BNIP3L: variants seen among roughly 807,000 people sequenced by gnomAD.
BNIP3L encodes the protein BCL2 interacting protein 3 like, also known as BCL2/adenovirus E1B 19 kDa protein-interacting protein 3-like.
Under a neutral mutation model 25.5 loss-of-function variants are expected in BNIP3L, and 10 were observed. That is an observed-to-expected ratio of 0.39 (90% confidence interval 0.24 to 0.67). BNIP3L has a LOEUF of 0.67. Ranked by LOEUF, BNIP3L falls within the 30% of genes least tolerant of loss-of-function variation. The pLI is 0.45. For missense variants in BNIP3L, 215 were observed against 270.9 expected, an observed-to-expected ratio of 0.79 and a Z score of 1.45; for synonymous variants, 113 against 101.2, an observed-to-expected ratio of 1.12 and a Z score of -0.70.
At chr8:26,404,605 C>G (rs904819491) in intron 3 of BNIP3L, among the ~76,000 whole-genome samples, 1 of 152,144 alleles carries the variant, frequency 6.6e-6, no homozygotes, top group Non-Finnish European at 1.5e-5. Context: ...ACCTCTGTTT[C>G]CAGGTGGTTC....
At chr8:26,395,166 G>T in intron 2 of BNIP3L, 64 bp from the exon 3 acceptor site, 2 of 1,539,420 alleles carry the variant, frequency 1.3e-6, no homozygotes, top group Admixed American at 3.5e-5. Flanking sequence ...CTAATTTCTA[G>T]TAGAGACTAA....
chr8:26,389,582 G>A (rs780748463), intron 1 of BNIP3L, among the ~76,000 whole-genome samples: 96 of 152,266 alleles, frequency 6.3e-4, no homozygotes, highest in Middle Eastern at 3.4e-3. Flanking sequence ...GTAGCCACTG[G>A]GGCTGCCTCA....
At chr8:26,385,530 G>A (rs543096375) in intron 1 of BNIP3L, among the ~76,000 whole-genome samples, 1 of 151,450 alleles carries the variant, frequency 6.6e-6, no homozygotes, top group African/African-American at 2.4e-5. Flanking sequence ...TTGAATCCGG[G>A]AGGCAGAGGT....
At chr8:26,391,795 T>C (rs1313204658) in intron 2 of BNIP3L, among the ~76,000 whole-genome samples, 2 of 152,248 alleles carry the variant, frequency 1.3e-5, no homozygotes, top group African/African-American at 4.8e-5. Flanking sequence ...TAGTTACCTC[T>C]GTATATATGT....
At chr8:26,389,860 A>T (rs951054422) in intron 1 of BNIP3L, among the ~76,000 whole-genome samples, 3 of 152,134 alleles carry the variant, frequency 2.0e-5, no homozygotes, top group African/African-American at 7.2e-5. Context: ...AGCCATCGCC[A>T]CATTTAGAGT....
chr8:26,385,686 G>GT (rs1805977970), intron 1 of BNIP3L, among the ~76,000 whole-genome samples: 1 of 152,020 alleles, frequency 6.6e-6, no homozygotes. Context: ...GGAGTTTGAT[G>GT]TCTTTGGCCA....
At chr8:26,407,946 A>T in intron 3 of BNIP3L, 54 bp from the exon 4 acceptor site, 1 of 1,499,954 alleles carries the variant, frequency 6.7e-7, no homozygotes, top group Non-Finnish European at 9.2e-7. Flanking sequence ...TTTTCTTTGT[A>T]TTAGGAGGAA....
intron 1 of BNIP3L, among the ~76,000 whole-genome samples, chr8:26,390,797 G>C (rs1193091535): frequency 6.6e-6 from 1 of 152,172 alleles, no homozygotes; most frequent in Non-Finnish European, 1.5e-5. Context: ...GAAATTTGTA[G>C]GTGATATATT....
chr8:26,396,571 C>T (rs1356179370), intron 3 of BNIP3L, among the ~76,000 whole-genome samples: 1 of 146,278 alleles, frequency 6.8e-6, no homozygotes, highest in African/African-American at 2.5e-5. Context: ...GAGCGCCTCT[C>T]CTCCTCCAAA....
intron 1 of BNIP3L, among the ~76,000 whole-genome samples, chr8:26,388,928 G>T (rs376697531): frequency 1.2e-4 from 18 of 152,292 alleles, no homozygotes; most frequent in African/African-American, 4.3e-4. Context: ...AATCAAGGCC[G>T]CAGTGAGCTG....
In BNIP3L at chr8:26,408,254, T is replaced by G; in HGVS notation, c.489T>G (p.Arg163=). 6.2e-7 allele frequency: 1 copy of G among 1,614,090 alleles called. No homozygotes were observed. Among genetic ancestry groups the G allele is most frequent in the African/African-American group, 1.3e-5 (1 of 75,028 alleles). ...AGTTCCACTTCAGACACCCTAAACG[T>G]TCTGTGTCTTTAAGCATGAGGAAAA... ...PKEFHFRHPK[R]SVSLSMRKSG... Residue 163 remains arginine (R), a synonymous_variant, in exon 5 of 6, where the codon CGT becomes CGG. Transcript: ENST00000380629.
At chr8:26,395,163 C>T in intron 2 of BNIP3L, 67 bp from the exon 3 acceptor site, 2 of 1,525,386 alleles carry the variant, frequency 1.3e-6, no homozygotes, top group South Asian at 1.2e-5. Context: ...TTTCTAATTT[C>T]TAGTAGAGAC....
intron 1 of BNIP3L, among the ~76,000 whole-genome samples, chr8:26,389,667 C>T (rs541676120): frequency 5.3e-5 from 8 of 152,292 alleles, no homozygotes; most frequent in African/African-American, 1.4e-4. Flanking sequence ...TATTTACCAG[C>T]ACTTGATACT....
chr8:26,391,662 A>G (rs1386698674), intron 2 of BNIP3L, among the ~76,000 whole-genome samples: 3 of 152,142 alleles, frequency 2.0e-5, no homozygotes, highest in African/African-American at 7.2e-5. Flanking sequence ...CCCAGATTAT[A>G]TTGTTTCTAG....
chr8:26,397,126 A>G (rs192515510), intron 3 of BNIP3L, among the ~76,000 whole-genome samples: 167 of 1,828 alleles, frequency 0.091, 14 homozygotes, highest in Non-Finnish European at 0.15. Flanking sequence ...AGAGAACGCC[A>G]CAAAGATACT....
intron 1 of BNIP3L, among the ~76,000 whole-genome samples, chr8:26,386,020 G>A (rs185027642): frequency 6.6e-6 from 1 of 152,142 alleles, no homozygotes; most frequent in African/African-American, 2.4e-5. Context: ...CTGATAAGTC[G>A]AAGGACTTTG....
chr8:26,398,848 T>C (rs1397304150), intron 3 of BNIP3L, among the ~76,000 whole-genome samples: 4 of 151,770 alleles, frequency 2.6e-5, no homozygotes, highest in Admixed American at 6.6e-5. Flanking sequence ...ACACATACAC[T>C]CTCCCAAGAC....
chr8:26,394,262 C>T (rs909494539), intron 2 of BNIP3L, among the ~76,000 whole-genome samples: 1 of 151,888 alleles, frequency 6.6e-6, no homozygotes. Context: ...TTTTACAGTT[C>T]TAAGAATGTA....
intron 3 of BNIP3L, among the ~76,000 whole-genome samples, chr8:26,396,968 T>G (rs1242850351): frequency 1.7e-5 from 1 of 58,422 alleles, no homozygotes; most frequent in Non-Finnish European, 3.4e-5. Flanking sequence ...AATATGGGAC[T>G]ATGTGAAAAG....
Sources: gnomAD v4.1 joint callset for allele counts (sites outside exome capture counted in the v4.1 genomes callset) on GRCh38, gnomAD v4.1.1 for gene constraint, MANE v1.5 for transcripts, NCBI Gene and HGNC (gene_info 2026-07-23, HGNC 2026-07-21) for gene names.